The following PTPN20 variants were observed in gnomAD, a reference collection of about 807,000 sequenced individuals.
PTPN20 encodes the protein tyrosine-protein phosphatase non-receptor type 20.
A neutral mutation model predicts 35.0 loss-of-function variants in PTPN20; 9 were observed. The observed-to-expected ratio is 0.26, with a 90% CI of 0.15 to 0.45. The LOEUF (loss-of-function observed/expected upper bound fraction) is 0.45, where lower values mean the gene tolerates loss of function less well. Ranked by LOEUF, PTPN20 falls within the 20% of genes least tolerant of loss-of-function variation. The probability of loss-of-function intolerance (pLI) is 1.00; values close to 1 mark genes in which losing one functional copy is unlikely to be tolerated. For synonymous variants in PTPN20, 32 were observed against 100.2 expected, an observed-to-expected ratio of 0.32 and a Z score of 4.06; for missense variants, 111 against 312.5, an observed-to-expected ratio of 0.36 and a Z score of 4.86.
intron 7 of PTPN20, among the ~76,000 whole-genome samples, chr10:46,979,989 T>C (rs1167484473): frequency 6.6e-6 from 1 of 151,118 alleles, no homozygotes; most frequent in African/African-American, 2.4e-5. Flanking sequence ...TTGATGACAT[T>C]GTGCTGATTG....
chr10:46,984,347 G>A lies in PTPN20; in HGVS notation c.701G>A (p.Ser234Asn). The A allele has an allele frequency of 1.9e-6, 3 of 1,612,054 alleles. No individual in the cohort carries two copies. The highest frequency in any genetic ancestry group is 2.5e-6 in the Non-Finnish European group (3 of 1,179,854). ...ATCGCTACTCAAGGACCACTGCTGA[G>A]CACCATAGATGACTTTTGGCAAATG... ...FYIATQGPLL[S>N]TIDDFWQMVL... The change falls in exon 8 of 11, where the codon AGC becomes AAC. Residue 234 changes from serine (S) to asparagine (N), a missense_variant. This residue lies in a region of PTPN20 where 13 missense variants were observed against 136.4 expected (regional missense o/e 0.10). Coordinates refer to ENST00000374339, the MANE Select transcript of PTPN20 (RefSeq NM_001042357.5).
At chr10:46,983,336 T>C (rs1346568142) in intron 7 of PTPN20, among the ~76,000 whole-genome samples, 8 of 151,212 alleles carry the variant, frequency 5.3e-5, no homozygotes, top group Non-Finnish European at 8.9e-5. Flanking sequence ...TAAATGCCTG[T>C]TCAGGTCTTG....
chr10:46,997,532 T>G (rs1451669345), intron 9 of PTPN20, among the ~76,000 whole-genome samples: 1 of 151,694 alleles, frequency 6.6e-6, no homozygotes, highest in Non-Finnish European at 1.5e-5. Flanking sequence ...ATAAGAGTGG[T>G]GAGAGCAGGC....
chr10:46,983,370 G>T (rs1194449290), intron 7 of PTPN20, among the ~76,000 whole-genome samples: 241 of 150,934 alleles, frequency 1.6e-3, no homozygotes, highest in South Asian at 2.3e-3. Flanking sequence ...TAGATAAGTG[G>T]TCCATGTGAT....
chr10:46,968,687 G>A lies in PTPN20; in HGVS notation c.583+640G>A, dbSNP rs1164086101. Among the ~76,000 whole-genome samples the A allele has an allele frequency of 1.2e-4, 18 of 152,146 alleles. No homozygotes were observed. In the Middle Eastern group the frequency reaches 0.01, roughly 86 times the overall value. The stretch of plus-strand genomic sequence containing the variant: ...TTCCATAACTCACATTCCTTTCAAA[G>A]TCAAAGTTTTTCAAAACTAAATTTA... On this transcript the variant is annotated intron_variant, in intron 7 of 10. Transcript: ENST00000374339.
At chr10:46,933,278 C>T (rs1163956992) in intron 2 of PTPN20, among the ~76,000 whole-genome samples, 3 of 149,112 alleles carry the variant, frequency 2.0e-5, no homozygotes, top group East Asian at 2.0e-4. Flanking sequence ...GCTAACATAT[C>T]CACCACCTCA....
chr10:46,949,528 A>G (rs1393188695), intron 5 of PTPN20, among the ~76,000 whole-genome samples: 2 of 151,784 alleles, frequency 1.3e-5, no homozygotes, highest in African/African-American at 4.9e-5. Context: ...CAGCTCTCTA[A>G]TGGGTTCAAT....
At chr10:46,948,961 T>C (rs1201268592) in intron 5 of PTPN20, among the ~76,000 whole-genome samples, 1 of 150,166 alleles carries the variant, frequency 6.7e-6, no homozygotes, top group African/African-American at 2.5e-5. Context: ...AGTTTTGTAA[T>C]AATAATGGCA....
chr10:47,000,353 G>A (rs1279185852), intron 10 of PTPN20, among the ~76,000 whole-genome samples: 4 of 152,088 alleles, frequency 2.6e-5, no homozygotes, highest in African/African-American at 7.2e-5. Context: ...TTATCAGGAC[G>A]TCATAAAAAG....
chr10:46,984,075 C>G (rs2056336109), intron 7 of PTPN20, among the ~76,000 whole-genome samples, 155 bp from the exon 8 acceptor site: 1 of 152,066 alleles, frequency 6.6e-6, no homozygotes, highest in Non-Finnish European at 1.5e-5. Flanking sequence ...ATAATTTAAA[C>G]TCATGGACTC....
chr10:46,946,835 T>TA (rs1555141650), intron 5 of PTPN20, 160 bp downstream of exon 5: 3 of 658,710 alleles, frequency 4.6e-6, no homozygotes, highest in Middle Eastern at 4.6e-4. Flanking sequence ...AAAATGCAAT[T>TA]AAAAAAATGC....
intron 1 of PTPN20, among the ~76,000 whole-genome samples, chr10:46,924,056 C>T (rs2036340574): frequency 6.6e-6 from 1 of 151,272 alleles, no homozygotes; most frequent in Admixed American, 6.6e-5. Context: ...TGCAACCTTG[C>T]TGTAATTGCT....
chr10:46,994,322 CTTTTTTTT>C (rs36049729), intron 9 of PTPN20, among the ~76,000 whole-genome samples: 3 of 66,320 alleles, frequency 4.5e-5, no homozygotes, highest in Non-Finnish European at 7.9e-5. Flanking sequence ...CTCTGATGCT[CTTTTTTTT>C]TTTTTTTTTT....
chr10:46,994,865 T>C (rs1431084512), intron 9 of PTPN20, among the ~76,000 whole-genome samples: 1 of 152,188 alleles, frequency 6.6e-6, no homozygotes, highest in Non-Finnish European at 1.5e-5. Flanking sequence ...TCAAGCTCCC[T>C]GATTCTTTCC....
intron 2 of PTPN20, among the ~76,000 whole-genome samples, chr10:46,938,425 G>GC (rs1344369270): frequency 5.0e-5 from 2 of 40,082 alleles, no homozygotes; most frequent in African/African-American, 1.4e-4. Context: ...TATCCTCAAC[G>GC]CCCCCTGTAT....
chr10:46,994,974 T>C (rs1555179970), intron 9 of PTPN20, among the ~76,000 whole-genome samples: 1 of 152,220 alleles, frequency 6.6e-6, no homozygotes. Flanking sequence ...TTTTAAATTA[T>C]TTCAATCTCT....
At chr10:46,991,806 G>C (rs1477837804) in intron 9 of PTPN20, among the ~76,000 whole-genome samples, 1 of 151,836 alleles carries the variant, frequency 6.6e-6, no homozygotes, top group African/African-American at 2.4e-5. Flanking sequence ...CTAGCCTGAT[G>C]GGATTTCCTT....
At chr10:46,998,790 C>T (rs1565648643) in intron 9 of PTPN20, among the ~76,000 whole-genome samples, 1 of 151,916 alleles carries the variant, frequency 6.6e-6, no homozygotes, top group Non-Finnish European at 1.5e-5. Flanking sequence ...TACACAGGGC[C>T]ACCCTGTACA....
chr10:47,000,795 C>T lies in PTPN20; in HGVS notation c.*54C>T. 1.3e-6 allele frequency: 2 copies of T among 1,595,002 alleles called. No individual in the cohort carries two copies. Among genetic ancestry groups the T allele is most frequent in the Non-Finnish European group, 1.7e-6 (2 of 1,162,832 alleles). On this transcript the variant is annotated 3_prime_UTR_variant, in exon 11 of 11. Transcript: ENST00000374339. ...ATTACCAAGTGGGTTTGCACCTCCT[C>T]ATAAAGAACATGTTTGCACTGTGCT... is the stretch of plus-strand genomic sequence containing the variant.
Sources: allele counts gnomAD v4.1 joint callset (sites outside exome capture counted in the v4.1 genomes callset), GRCh38; gene constraint gnomAD v4.1.1; regional missense constraint gnomAD v4.1.1; transcripts MANE v1.5; gene names NCBI Gene and HGNC (gene_info 2026-07-23, HGNC 2026-07-21).